SEC63: variants seen among roughly 807,000 people sequenced by gnomAD.
The protein encoded by SEC63 is SEC63 protein translocation regulator, also known as translocation protein SEC63 homolog.
In SEC63, 56 loss-of-function variants were observed where a neutral mutation model predicts 116.2. That is an observed-to-expected ratio of 0.48 (90% CI 0.39 to 0.60). SEC63 has a LOEUF of 0.60. Ranked by LOEUF, SEC63 falls within the 20% of genes least tolerant of loss-of-function variation. The pLI is 0.00. For synonymous variants in SEC63, 273 were observed against 294.6 expected (o/e 0.93, Z 0.75); for missense variants, 668 against 900.0 (o/e 0.74, Z 3.30).
At position 107,897,754 on chromosome 6, in the gene SEC63, A is replaced by G. The variant is rs1562320439; in HGVS notation, c.1358-23T>C. On this transcript the variant is annotated intron_variant, in intron 13 of 20. Transcript: ENST00000369002. ...ACACTGTTAAGATGGAAGAAAAAAA[A>G]CAGCAAAAAATAAAAATCAAGTTCT... The G allele has an allele frequency of 2.0e-6, 3 of 1,509,388 alleles. No individual in the cohort carries two copies. The Admixed American group carries it at 5.0e-5, about 25-fold the overall frequency. 93.5% of individuals were successfully genotyped at this position (1,509,388 alleles called of 1,614,324 possible). A position where few individuals can be genotyped will look rare whatever the true frequency, so the allele number is the denominator to read the frequency against.
Position 107,871,020 on chromosome 6 carries a change from C to A in SEC63, c.*684G>T, listed in dbSNP as rs891274091. On this transcript the variant is annotated 3_prime_UTR_variant, in exon 21 of 21. Transcript: ENST00000369002. ...AACTTATCAAAAGAATTAGATCCTG[C>A]ATTGATCTGCTAAGATAGAGGTTTA... 1.3e-5 allele frequency: 2 copies of A among 152,826 alleles called. No homozygotes were observed. Among genetic ancestry groups the A allele is most frequent in the African/African-American group, 4.8e-5 (2 of 41,402 alleles). 9.5% of individuals were successfully genotyped at this position (152,826 alleles called of 1,614,324 possible). A position where few individuals can be genotyped will look rare whatever the true frequency, so the allele number is the denominator to read the frequency against.
In SEC63 at chr6:107,870,117, C is replaced by T. The variant is rs1336429031; in HGVS notation, c.*1587G>A. The T allele has an allele frequency of 6.6e-6, 1 of 152,300 alleles. No homozygotes were observed. Among genetic ancestry groups the T allele is most frequent in the Non-Finnish European group, 1.5e-5 (1 of 68,002 alleles). 9.4% of individuals were successfully genotyped at this position (152,300 alleles called of 1,614,324 possible). A position where few individuals can be genotyped will look rare whatever the true frequency, so the allele number is the denominator to read the frequency against. On this transcript the variant is annotated 3_prime_UTR_variant, in exon 21 of 21. Coordinates refer to ENST00000369002, the MANE Select transcript of SEC63 (RefSeq NM_007214.5). Reference sequence around the variant, plus strand: ...AGACACTGGTGCTTCACAGCAGAACCTGATTTGAAAATTAAACCCACCCTC... The same window carrying T: ...AGACACTGGTGCTTCACAGCAGAACTTGATTTGAAAATTAAACCCACCCTC...
chr6:107,912,559 T>C (rs1003631974), intron 6 of SEC63, among the ~76,000 whole-genome samples, 157 bp downstream of exon 6: 1 of 152,230 alleles, frequency 6.6e-6, no homozygotes, highest in Non-Finnish European at 1.5e-5. Flanking sequence ...CTCTCCTGCC[T>C]GGGCAATAGA....
At chr6:107,875,715 G>A (rs1369316683) in intron 19 of SEC63, among the ~76,000 whole-genome samples, 1 of 151,900 alleles carries the variant, frequency 6.6e-6, no homozygotes, top group African/African-American at 2.4e-5. Flanking sequence ...AAAGATCAGA[G>A]GAAAAAATAA....
At chr6:107,900,145 G>A (rs1786966381) in intron 13 of SEC63, among the ~76,000 whole-genome samples, 2 of 152,002 alleles carry the variant, frequency 1.3e-5, no homozygotes, top group African/African-American at 2.4e-5. Flanking sequence ...CTTAGCATAT[G>A]TTATCTTGGT....
intron 1 of SEC63, among the ~76,000 whole-genome samples, chr6:107,949,260 A>C (rs2114517201): frequency 2.0e-5 from 3 of 152,338 alleles, no homozygotes; most frequent in Admixed American, 2.0e-4. Flanking sequence ...GTCAAAGTTA[A>C]ACTGGTATAA....
intron 2 of SEC63, among the ~76,000 whole-genome samples, chr6:107,927,055 C>G (rs1787691588): frequency 6.6e-6 from 1 of 152,078 alleles, no homozygotes; most frequent in South Asian, 2.1e-4. Context: ...TAATTAACTT[C>G]AAGTGTCATC....
At chr6:107,874,389 T>C (rs1381005143) in intron 19 of SEC63, among the ~76,000 whole-genome samples, 2 of 151,998 alleles carry the variant, frequency 1.3e-5, no homozygotes, top group Non-Finnish European at 2.9e-5. Context: ...GGTCAGGAGA[T>C]TGAGACCATC....
chr6:107,911,266 T>C, intron 7 of SEC63, 80 bp downstream of exon 7: 1 of 947,436 alleles, frequency 1.1e-6, no homozygotes, highest in Non-Finnish European at 1.7e-6. Flanking sequence ...CTAACATACA[T>C]TTAAAATGTT....
chr6:107,941,604 GT>G (rs1770377602), intron 1 of SEC63, among the ~76,000 whole-genome samples: 2 of 152,172 alleles, frequency 1.3e-5, no homozygotes, highest in South Asian at 4.1e-4. Context: ...TAATACCATT[GT>G]AGTATCCTTT....
chr6:107,946,498 C>T (rs935453067), intron 1 of SEC63, among the ~76,000 whole-genome samples: 3 of 152,170 alleles, frequency 2.0e-5, no homozygotes, highest in African/African-American at 7.2e-5. Context: ...AGCCACCACA[C>T]CCGGCCAACA....
intron 1 of SEC63, chr6:107,954,648 G>T (rs1479369662): frequency 1.3e-5 from 2 of 152,142 alleles, no homozygotes; most frequent in Non-Finnish European, 2.9e-5. Context: ...GTAGCCTCCT[G>T]TCAGTACAAG....
At chr6:107,888,694 G>C (rs1786598956) in intron 16 of SEC63, among the ~76,000 whole-genome samples, 1 of 152,158 alleles carries the variant, frequency 6.6e-6, no homozygotes, top group Non-Finnish European at 1.5e-5. Context: ...AAGGCTTCCA[G>C]TTTTTGCCCA....
At chr6:107,924,167 G>GGCA (rs778797378) in intron 3 of SEC63, among the ~76,000 whole-genome samples, 1 of 151,746 alleles carries the variant, frequency 6.6e-6, no homozygotes, top group Non-Finnish European at 1.5e-5. Context: ...GGGAGGCTGA[G>GGCA]GCAGGAGAAT....
At chr6:107,908,230 G>A (rs1035921660) in intron 8 of SEC63, among the ~76,000 whole-genome samples, 6 of 151,880 alleles carry the variant, frequency 4.0e-5, no homozygotes, top group Admixed American at 3.9e-4. Flanking sequence ...AGGGATGGAG[G>A]AGCAGCTATG....
intron 4 of SEC63, among the ~76,000 whole-genome samples, 172 bp downstream of exon 4, chr6:107,921,625 T>C (rs950156934): frequency 6.6e-6 from 1 of 151,980 alleles, no homozygotes; most frequent in Admixed American, 6.6e-5. Flanking sequence ...TTAATTCTTT[T>C]ATTTTTTGTA....
chr6:107,908,093 C>T (rs576255417), intron 8 of SEC63, among the ~76,000 whole-genome samples: 1 of 152,288 alleles, frequency 6.6e-6, no homozygotes, highest in South Asian at 2.1e-4. Context: ...CATATATGAC[C>T]ATGAGAAGTC....
At chr6:107,945,296 C>CTTTCT (rs1218217840) in intron 1 of SEC63, among the ~76,000 whole-genome samples, 2 of 150,700 alleles carry the variant, frequency 1.3e-5, no homozygotes, top group Non-Finnish European at 2.9e-5. Context: ...TAAAGAATAT[C>CTTTCT]TTTCTTTTCT....
intron 12 of SEC63, among the ~76,000 whole-genome samples, 187 bp from the exon 13 acceptor site, chr6:107,901,704 A>G (rs568584839): frequency 1.8e-4 from 28 of 152,210 alleles, no homozygotes; most frequent in African/African-American, 6.3e-4. Context: ...GAAAATTTAA[A>G]TTAAGAATTT....
Sources: gnomAD v4.1 joint callset for allele counts (sites outside exome capture counted in the v4.1 genomes callset) on GRCh38, gnomAD v4.1.1 for gene constraint, MANE v1.5 for transcripts, NCBI Gene and HGNC (gene_info 2026-07-23, HGNC 2026-07-21) for gene names.